The following XAF1 variants were observed in gnomAD, a reference collection of about 807,000 sequenced individuals.
The protein encoded by XAF1 is XIAP associated factor 1.
XAF1 carries 32 observed loss-of-function variants against 32.3 expected under a neutral mutation model. The observed-to-expected ratio is 0.99, with a 90% confidence interval of 0.75 to 1.33. The LOEUF (loss-of-function observed/expected upper bound fraction) is 1.33, where lower values mean the gene tolerates loss of function less well. XAF1 is among the 40% of genes most tolerant of loss of function. The probability of loss-of-function intolerance (pLI) is 0.00; values close to 1 mark genes in which losing one functional copy is unlikely to be tolerated. For synonymous variants in XAF1, 120 were observed against 125.9 expected (o/e 0.95, Z 0.31); for missense variants, 379 against 366.0 (o/e 1.04, Z -0.29).
At chr17:6,761,108 C>A (rs200365907) in intron 4 of XAF1, among the ~76,000 whole-genome samples, 1 of 151,902 alleles carries the variant, frequency 6.6e-6, no homozygotes, top group South Asian at 2.1e-4. Flanking sequence ...GAGTCGAGAT[C>A]GTGCCATTGC....
intron 2 of XAF1, chr17:6,759,036 T>A: frequency 1.6e-6 from 1 of 626,122 alleles, no homozygotes; most frequent in Non-Finnish European, 2.1e-6. Flanking sequence ...AGGGAATGGC[T>A]CCAGTCCTCC....
At chr17:6,755,863 A>G (rs1974613555), upstream of XAF1, 2 of 1,381,532 alleles carry the variant, frequency 1.4e-6, no homozygotes, top group Admixed American at 5.9e-5. Context: ...ACAGCAGCAA[A>G]GAATGACGGC....
rs1597761651 is a variant in XAF1, at chr17:6,772,910, T to G, written c.850-203T>G. The G allele has an allele frequency of 8.1e-6, 4 of 495,230 alleles. No homozygotes were observed. In the East Asian group the frequency reaches 1.5e-4, roughly 18 times the overall value. 30.7% of individuals were successfully genotyped at this position (495,230 alleles called of 1,614,324 possible). ...TCCCATCTGTCCCTCCACCCAGTGATAGCAACAGGCCCCTGTTAAACTTTG... is the reference window on the plus strand; with the variant it reads ...TCCCATCTGTCCCTCCACCCAGTGAGAGCAACAGGCCCCTGTTAAACTTTG... On this transcript the variant is annotated intron_variant, in intron 6 of 6. Transcript: ENST00000361842.
At position 6,773,252 on chromosome 17, in the gene XAF1, G is replaced by A. The variant is rs1272150612; in HGVS notation, c.*83G>A. 7.6e-7 allele frequency: 1 copy of A among 1,310,408 alleles called. No homozygotes were observed. The highest frequency in any genetic ancestry group is 1.0e-6 in the Non-Finnish European group (1 of 953,558). 81.2% of individuals were successfully genotyped at this position (1,310,408 alleles called of 1,614,324 possible). ...CCTGCCTACTTGCTGTGGTGGTCTTGTGAAAGGTGATGGGTTTTATTCGTT... is the reference window on the plus strand; with the variant it reads ...CCTGCCTACTTGCTGTGGTGGTCTTATGAAAGGTGATGGGTTTTATTCGTT... On this transcript the variant is annotated 3_prime_UTR_variant, in exon 7 of 7. Coordinates refer to ENST00000361842, the MANE Select transcript of XAF1 (RefSeq NM_017523.5).
At position 6,770,986 on chromosome 17, in the gene XAF1, T is replaced by C. The variant is rs773979980; in HGVS notation, c.849+2T>C. The C allele has an allele frequency of 6.2e-7, 1 of 1,613,978 alleles. No individual in the cohort carries two copies. Among genetic ancestry groups the C allele is most frequent in the Non-Finnish European group, 8.5e-7 (1 of 1,179,940 alleles). ...CTGCCGATCCTAAATCAACATCAGG[T>C]ACTCAGCCTCTGTTCTCTGCTTACC... is the stretch of plus-strand genomic sequence containing the variant. On this transcript the variant is annotated splice_donor_variant, in intron 6 of 6. Coordinates refer to ENST00000361842, the MANE Select transcript of XAF1 (RefSeq NM_017523.5). LOFTEE classifies it high-confidence loss of function.
At chr17:6,759,633 T>C in intron 2 of XAF1, 29 bp from the exon 3 acceptor site, 2 of 1,157,512 alleles carry the variant, frequency 1.7e-6, no homozygotes, top group Non-Finnish European at 2.5e-6. Flanking sequence ...ACATCTGGTG[T>C]GTGTGTGTGT....
chr17:6,762,041 G>C, intron 4 of XAF1, 114 bp from the exon 5 acceptor site: 1 of 1,566,596 alleles, frequency 6.4e-7, no homozygotes, highest in Non-Finnish European at 8.6e-7. Flanking sequence ...AGACCAGGCA[G>C]GTCCGGGGGG....
chr17:6,770,959 C>A lies in XAF1; in HGVS notation c.824C>A (p.Pro275His). The A allele has an allele frequency of 1.2e-6, 2 of 1,614,046 alleles. No homozygotes were observed. Among genetic ancestry groups the A allele is most frequent in the Non-Finnish European group, 1.7e-6 (2 of 1,179,990 alleles). ...TGTTCTCAGTGTGGCATCCTGCTTC[C>A]CCTGCCGATCCTAAATCAACATCAG... Reference protein sequence around the residue: ...RRCSQCGILLPLPILNQHQEK... With the variant: ...RRCSQCGILLHLPILNQHQEK... The change falls in exon 6 of 7, where the codon CCC (proline) becomes CAC (histidine). Residue 275 changes from proline (P) to histidine (H), a missense_variant. Physicochemically the swap from Pro to His is moderately conservative, Grantham distance 77 (BLOSUM62 -2). Transcript: ENST00000361842.
intron 5 of XAF1, among the ~76,000 whole-genome samples, chr17:6,762,751 A>C (rs1385340192): frequency 6.6e-6 from 1 of 152,194 alleles, no homozygotes; most frequent in African/African-American, 2.4e-5. Flanking sequence ...ATAGCCCCTA[A>C]GCGCCGTTTA....
At chr17:6,771,028 G>T (rs765610915) in intron 6 of XAF1, 44 bp downstream of exon 6, 9 of 1,574,586 alleles carry the variant, frequency 5.7e-6, no homozygotes, top group South Asian at 1.2e-5. Context: ...GGAACCATCC[G>T]CACAGTGTCT....
Position 6,760,545 on chromosome 17 carries a change from G to A in XAF1, c.365G>A (p.Arg122His), listed in dbSNP as rs763342024. 15 of 1,613,270 alleles carry A rather than the reference G, an allele frequency of 9.3e-6. No homozygotes were observed. The highest frequency in any genetic ancestry group is 2.2e-5 in the South Asian group (2 of 91,004). ...GGCTGTGGCCAGTTCATCATGCACCGCATGCTCGCCCAGCACAGAGATGTC... is the reference window on the plus strand; with the variant it reads ...GGCTGTGGCCAGTTCATCATGCACCACATGCTCGCCCAGCACAGAGATGTC... ...CQGCGQFIMH[R>H]MLAQHRDVCR... Residue 122 changes from arginine to histidine, a missense_variant, in exon 4 of 7, where the codon CGC (arginine) becomes CAC (histidine). Arg to His is a conservative substitution (Grantham distance 29). Transcript: ENST00000361842.
chr17:6,756,007 C>G (rs570945864), upstream of XAF1: 2 of 1,611,668 alleles, frequency 1.2e-6, no homozygotes, highest in African/African-American at 1.3e-5. Flanking sequence ...GCTGGGCCAT[C>G]GGAAAACTTT....
upstream of XAF1, chr17:6,755,998 C>A: frequency 6.2e-7 from 1 of 1,610,652 alleles, no homozygotes; most frequent in Non-Finnish European, 8.5e-7. Flanking sequence ...AAGCTGTGGG[C>A]TGGGCCATCG....
rs202027770 is a variant in XAF1, at chr17:6,758,756, G to A, written c.168+532G>A. On this transcript the variant is annotated intron_variant, in intron 2 of 6. Transcript: ENST00000361842. ...CTGAGAGTTGGGGGACGAGGGTCTA[G>A]TCCTCCCTGCAGGTGAGATGGGGTC... The A allele has an allele frequency of 1.1e-4, 30 of 271,698 alleles. 1 individual carries two copies. The East Asian group carries it at 1.7e-3, about 16-fold the overall frequency. 16.8% of individuals were successfully genotyped at this position (271,698 alleles called of 1,614,324 possible).
chr17:6,759,405 T>A, intron 2 of XAF1: 1 of 1,377,422 alleles, frequency 7.3e-7, no homozygotes, highest in Non-Finnish European at 9.3e-7. Flanking sequence ...CCATTCCTCC[T>A]GGGGCCCCTG....
At chr17:6,764,264 A>G (rs73356262) in intron 5 of XAF1, among the ~76,000 whole-genome samples, 2 of 152,146 alleles carry the variant, frequency 1.3e-5, no homozygotes, top group African/African-American at 4.8e-5. Context: ...ATCCACACTC[A>G]CTTACTTTGC....
intron 2 of XAF1, 141 bp from the exon 3 acceptor site, chr17:6,759,521 T>C (rs906835956): frequency 2.7e-6 from 4 of 1,499,124 alleles, no homozygotes; most frequent in African/African-American, 2.8e-5. Flanking sequence ...GACACTGAGG[T>C]AGCCACATCG....
chr17:6,764,334 C>A (rs1975432133), intron 5 of XAF1, among the ~76,000 whole-genome samples: 1 of 152,172 alleles, frequency 6.6e-6, no homozygotes, highest in Non-Finnish European at 1.5e-5. Flanking sequence ...CTATCCCCTC[C>A]TACTGGTATA....
rs940262399 is a variant in XAF1 at position 6,759,973 on chromosome 17, T to C, written c.225+255T>C. On this transcript the variant is annotated intron_variant, in intron 3 of 6. Coordinates refer to ENST00000361842, the MANE Select transcript of XAF1 (RefSeq NM_017523.5). ...ATCCCCCGAAGGCAGTCCCGCACTC[T>C]GGCCCTTCTCATCTGCTTTCTCGTA... The C allele has an allele frequency of 3.9e-5, 24 of 618,406 alleles. No individual in the cohort carries two copies. In the African/African-American group the frequency reaches 4.4e-4, roughly 11 times the overall value. 38.3% of individuals were successfully genotyped at this position (618,406 alleles called of 1,614,324 possible).
Sources: gnomAD v4.1 joint callset for allele counts (sites outside exome capture counted in the v4.1 genomes callset) on GRCh38, gnomAD v4.1.1 for gene constraint, MANE v1.5 for transcripts, NCBI Gene and HGNC (gene_info 2026-07-23, HGNC 2026-07-21) for gene names.